INF2: variants seen among roughly 807,000 people sequenced by gnomAD.
INF2 encodes the protein inverted formin-2.
In INF2, 43 loss-of-function variants were observed where a neutral mutation model predicts 123.5. The observed-to-expected ratio is 0.35, with a 90% CI of 0.27 to 0.45. The LOEUF is 0.45. Among genes scored for constraint, INF2 ranks in the 20% least tolerant of loss-of-function variants. The pLI is 1.00. For missense variants in INF2, 1,453 were observed against 1,682.7 expected, an observed-to-expected ratio of 0.86 and a Z score of 2.39; for synonymous variants, 851 against 745.0, an observed-to-expected ratio of 1.14 and a Z score of -2.32.
At chr14:104,703,589 C>T in intron 4 of INF2, 135 bp downstream of exon 4, 1 of 1,221,546 alleles carries the variant, frequency 8.2e-7, no homozygotes, top group African/African-American at 1.5e-5. Flanking sequence ...AAGGCGCCAT[C>T]TCGGGCCTGC....
Position 104,712,621 on chromosome 14 carries a change from C to T in INF2, c.2610+68C>T, listed in dbSNP as rs1890106447. 4 of 1,604,510 alleles carry T rather than the reference C, an allele frequency of 2.5e-6. No homozygotes were observed. The African/African-American group carries it at 5.4e-5, about 21-fold the overall frequency. On this transcript the variant is annotated intron_variant, in intron 17 of 22. Coordinates refer to ENST00000392634, the MANE Select transcript of INF2 (RefSeq NM_022489.4). ...CTGATAGAGTGAGCTGGGCGAGTGG[C>T]TGTGCTGTCTCCTGGCTCCAGGGTG...
At chr14:104,705,946 G>T (rs1349868500) in intron 5 of INF2, 89 bp from the exon 6 acceptor site, 4 of 1,521,066 alleles carry the variant, frequency 2.6e-6, no homozygotes, top group African/African-American at 1.4e-5. Flanking sequence ...GCTGAGCGGG[G>T]CTGGTACACT....
intron 18 of INF2, 70 bp from the exon 19 acceptor site, chr14:104,713,137 G>C (rs1890131170): frequency 7.6e-5 from 122 of 1,596,838 alleles, no homozygotes; most frequent in Non-Finnish European, 1.0e-4. Context: ...TCAGGGAGGG[G>C]GACGCCCAGG....
At chr14:104,710,879 C>T (rs1308212670) in intron 13 of INF2, 58 bp from the exon 14 acceptor site, 24 of 1,508,656 alleles carry the variant, frequency 1.6e-5, no homozygotes, top group Non-Finnish European at 2.2e-5. Context: ...ACCCCACCGC[C>T]AGGGCATCTG....
Position 104,701,641 on chromosome 14 carries a change from C to A in INF2, c.276C>A (p.Ile92=). The change falls in exon 2 of 23, where the codon ATC becomes ATA. Residue 92 remains isoleucine (I), a synonymous_variant. Transcript: ENST00000392634. The part of the protein sequence containing the change: ...ARLSGRGVAR[I]SDALLQLTCV... ...TGTCGGGCCGCGGCGTTGCACGTAT[C>A]TCCGACGCCCTGCTGCAGCTCACCT... 1.3e-6 allele frequency: 2 copies of A among 1,598,322 alleles called. No homozygotes were observed. Among genetic ancestry groups the A allele is most frequent in the Non-Finnish European group, 1.7e-6 (2 of 1,174,696 alleles).
chr14:104,714,767 C>T lies in INF2; in HGVS notation c.3605C>T (p.Ser1202Leu), dbSNP rs751351877. Residue 1202 changes from serine to leucine, a missense_variant, in exon 21 of 23, where the codon TCG (serine) becomes TTG (leucine). Ser to Leu is a moderately radical substitution (Grantham distance 145). Around this residue, in one of 8 missense-constraint regions of INF2, gnomAD observed 344 missense variants for 333.1 expected, o/e 1.03. Coordinates refer to ENST00000392634, the MANE Select transcript of INF2 (RefSeq NM_022489.4). ...SFSEDAVTDSSGSGTLPRARG... is the reference protein window; with the variant it reads ...SFSEDAVTDSLGSGTLPRARG... ...TCCGAGGATGCGGTGACCGACTCCT[C>T]GGGGTCGGGCACACTCCCCAGGGCC... 6.3e-6 allele frequency: 10 copies of T among 1,598,570 alleles called. No individual in the cohort carries two copies. The East Asian group carries it at 6.7e-5, about 11-fold the overall frequency.
rs747696039 is a variant in INF2 at position 104,707,455 on chromosome 14, C to A, written c.1188C>A (p.Pro396=). The stretch of plus-strand genomic sequence containing the variant: ...CAGCAGCAGCTGCTGCCTGCGAGCC[C>A]GTGGACCACGCCCAGAGTGAGAGCA... ...QQPAAAAACE[P]VDHAQSESIL... The change falls in exon 8 of 23, where the codon CCC becomes CCA. Residue 396 remains proline, a synonymous_variant. Coordinates refer to ENST00000392634, the MANE Select transcript of INF2 (RefSeq NM_022489.4). 2 of 1,560,228 alleles carry A rather than the reference C, an allele frequency of 1.3e-6. No individual in the cohort carries two copies. Among genetic ancestry groups the A allele is most frequent in the Non-Finnish European group, 8.7e-7 (1 of 1,152,880 alleles).
rs187104422 is a variant in INF2, at chr14:104,712,413, C to T, written c.2490-20C>T. The T allele has an allele frequency of 1.4e-3, 2,263 of 1,611,800 alleles. 7 individuals carry two copies. Among genetic ancestry groups the T allele is most frequent in the Non-Finnish European group, 1.5e-3 (1,769 of 1,179,470 alleles). ...GACGTCAGCCGTTGCTGTCTCTGCCCGGCCCTCCTCACCTTTCAGGATCAA... is the reference window on the plus strand; with the variant it reads ...GACGTCAGCCGTTGCTGTCTCTGCCTGGCCCTCCTCACCTTTCAGGATCAA... On this transcript the variant is annotated intron_variant, in intron 16 of 22. Transcript: ENST00000392634.
At chr14:104,711,261 CATA>C (rs1890033719) in intron 15 of INF2, 75 bp downstream of exon 15, 3 of 1,245,104 alleles carry the variant, frequency 2.4e-6, no homozygotes, top group Middle Eastern at 2.4e-4. Context: ...GCGTAGAGGC[CATA>C]CCCCCATGCC....
In INF2 at chr14:104,718,899, CG is replaced by C; in HGVS notation, c.*108del. ...TGGGGGCCAGGCTGGGACTGGGCCCCGGAAACCAAAACTCCGTGCCTTACCC... is the reference window on the plus strand; with the variant it reads ...TGGGGGCCAGGCTGGGACTGGGCCCCGAAACCAAAACTCCGTGCCTTACCC... On this transcript the variant is annotated 3_prime_UTR_variant, in exon 23 of 23. Coordinates refer to ENST00000392634, the MANE Select transcript of INF2 (RefSeq NM_022489.4). 6.4e-7 allele frequency: 1 copy of C among 1,553,808 alleles called. No individual in the cohort carries two copies. The highest frequency in any genetic ancestry group is 8.6e-7 in the Non-Finnish European group (1 of 1,157,266).
Position 104,699,398 on chromosome 14 carries a change from G to T in INF2, c.-9-1959G>T. 1.0e-6 allele frequency: 1 copy of T among 985,374 alleles called. No homozygotes were observed. The highest frequency in any genetic ancestry group is 1.7e-5 in the African/African-American group (1 of 57,344). 61.0% of individuals were successfully genotyped at this position (985,374 alleles called of 1,614,324 possible). ...TGGGAATATATGCAGAGGCCCGGCT[G>T]CCTGGCTCTTCATGGTGGTGGGAGC... On this transcript the variant is annotated intron_variant, in intron 1 of 22. Coordinates refer to ENST00000392634, the MANE Select transcript of INF2 (RefSeq NM_022489.4). This position sits in a 1 kb window ranked among gnomAD's most constrained non-coding sequence, Gnocchi z 4.7.
chr14:104,701,101 G>C (rs1595163025), intron 1 of INF2, among the ~76,000 whole-genome samples: 1 of 152,140 alleles, frequency 6.6e-6, no homozygotes, highest in East Asian at 1.9e-4. Context: ...CCAGCCCTGA[G>C]CCTCGGGGTC....
chr14:104,694,676 C>A (rs1474289607), intron 1 of INF2, among the ~76,000 whole-genome samples: 1 of 152,168 alleles, frequency 6.6e-6, no homozygotes, highest in Admixed American at 6.5e-5. Context: ...TCAGAGCCGT[C>A]CCCCACCCTG....
intron 2 of INF2, 38 bp from the exon 3 acceptor site, chr14:104,703,067 C>T (rs1889603687): frequency 2.0e-6 from 3 of 1,501,132 alleles, no homozygotes; most frequent in Non-Finnish European, 2.8e-6. Flanking sequence ...GGAAGGGGTG[C>T]ATTGGCCCTG....
At position 104,699,811 on chromosome 14, in the gene INF2, G is replaced by A. The variant is rs929871963; in HGVS notation, c.-9-1546G>A. Among the ~76,000 whole-genome samples, 1 of 152,176 alleles carries A rather than the reference G, an allele frequency of 6.6e-6. No individual in the cohort carries two copies. The highest frequency in any genetic ancestry group is 6.5e-5 in the Admixed American group (1 of 15,288). ...GAAGAAACTGAGGCCCAGGCAGGATGAGTGACTGGGCCAAGGTCTGCTGGT... is the reference window on the plus strand; with the variant it reads ...GAAGAAACTGAGGCCCAGGCAGGATAAGTGACTGGGCCAAGGTCTGCTGGT... On this transcript the variant is annotated intron_variant, in intron 1 of 22. Transcript: ENST00000392634. The surrounding 1 kb of genome is among the most constrained non-coding windows in gnomAD (Gnocchi z 4.7).
intron 1 of INF2, chr14:104,690,342 CTG>C (rs952880520): frequency 2.6e-5 from 4 of 152,448 alleles, no homozygotes; most frequent in African/African-American, 9.6e-5. Context: ...AACCCTCTAA[CTG>C]GGGAGTCGCC....
At chr14:104,692,017 C>G (rs1290636993) in intron 1 of INF2, among the ~76,000 whole-genome samples, 1 of 152,204 alleles carries the variant, frequency 6.6e-6, no homozygotes, top group Non-Finnish European at 1.5e-5. Context: ...CCTTTCTAAG[C>G]TGTAATTAAA....
At chr14:104,709,766 A>G in intron 12 of INF2, 61 bp downstream of exon 12, 1 of 1,436,258 alleles carries the variant, frequency 7.0e-7, no homozygotes, top group Non-Finnish European at 9.8e-7. Context: ...GAGCAGGAAT[A>G]GGGAGCAGGG....
At chr14:104,708,117 C>T in intron 8 of INF2, 115 bp downstream of exon 8, 1 of 1,501,858 alleles carries the variant, frequency 6.7e-7, no homozygotes, top group Non-Finnish European at 9.0e-7. Context: ...CGTGCGTGGC[C>T]AGGGCAGCCT....
Sources: allele counts gnomAD v4.1 joint callset (sites outside exome capture counted in the v4.1 genomes callset), GRCh38; gene constraint gnomAD v4.1.1; regional missense constraint gnomAD v4.1.1; non-coding constraint Gnocchi (gnomAD v3.1); transcripts MANE v1.5; gene names NCBI Gene and HGNC (gene_info 2026-07-23, HGNC 2026-07-21).